Variants in DCDC1 observed in about 807,000 individuals in gnomAD.
The protein encoded by DCDC1 is doublecortin domain-containing protein 1.
Under a neutral mutation model 178.3 loss-of-function variants are expected in DCDC1, and 200 were observed. The observed-to-expected ratio is 1.12, with a 90% confidence interval of 1.00 to 1.26. DCDC1 has a LOEUF of 1.26. Among genes scored for constraint, DCDC1 ranks in the 50% most tolerant of loss-of-function variants. The pLI is 0.00. For missense variants in DCDC1, 1,983 were observed against 1,749.2 expected (o/e 1.13, Z -2.38); for synonymous variants, 690 against 604.8 (o/e 1.14, Z -2.07).
chr11:31,274,993 C>A (rs1271487744), intron 7 of DCDC1, among the ~76,000 whole-genome samples: 2 of 152,080 alleles, frequency 1.3e-5, no homozygotes. Flanking sequence ...GCCACCACAC[C>A]CGTCTTTATT....
At position 31,242,993 on chromosome 11, in the gene DCDC1, T is replaced by C. The variant is rs138692485; in HGVS notation, c.1055-1377A>G. On this transcript the variant is annotated intron_variant, in intron 8 of 38. Transcript: ENST00000684477. ...GCCAATGACTATTGAAACATCTTCTTAGATGTGTGCATAAAATTCACTTAT... is the reference window on the plus strand; with the variant it reads ...GCCAATGACTATTGAAACATCTTCTCAGATGTGTGCATAAAATTCACTTAT... Among the ~76,000 whole-genome samples, 395 of 151,990 alleles carry C rather than the reference T, an allele frequency of 2.6e-3. 2 individuals are homozygous for C. The highest frequency in any genetic ancestry group is 7.7e-3 in the African/African-American group (318 of 41,544).
chr11:31,108,882 A>T (rs1428901836), intron 12 of DCDC1, among the ~76,000 whole-genome samples: 1 of 152,178 alleles, frequency 6.6e-6, no homozygotes. Flanking sequence ...TTTATAGCAT[A>T]AGAATTTGTT....
At chr11:30,969,926 G>A (rs1337740235) in intron 20 of DCDC1, among the ~76,000 whole-genome samples, 1 of 152,128 alleles carries the variant, frequency 6.6e-6, no homozygotes, top group Non-Finnish European at 1.5e-5. Flanking sequence ...TCTGGTATTT[G>A]CCTCCTTCAC....
intron 9 of DCDC1, among the ~76,000 whole-genome samples, chr11:31,159,089 AATGAG>A (rs1966048219): frequency 1.3e-5 from 2 of 152,208 alleles, no homozygotes. Context: ...AAGAAAATGA[AATGAG>A]ATAACTTTAA....
In DCDC1 at chr11:30,967,280, C is replaced by G. The variant is rs900392035; in HGVS notation, c.2592-14712G>C. 4.7e-3 allele frequency among the ~76,000 whole-genome samples: 692 copies of G among 148,226 alleles called. 6 individuals are homozygous for G. The highest frequency in any genetic ancestry group is 7.5e-3 in the Non-Finnish European group (501 of 67,160). ...TGTTTGTGTCCTCTTTTATTTCCTT[C>G]AGCAGTGGTTTGTAGTTCTCCTTGA... On this transcript the variant is annotated intron_variant, in intron 20 of 38. Coordinates refer to ENST00000684477, the MANE Select transcript of DCDC1 (RefSeq NM_001387274.1).
intron 38 of DCDC1, among the ~76,000 whole-genome samples, chr11:30,865,659 C>A (rs1019869271): frequency 1.3e-5 from 2 of 152,100 alleles, no homozygotes; most frequent in African/African-American, 2.4e-5. Context: ...CATTCCTTAG[C>A]AGCAAAGTGT....
intron 10 of DCDC1, among the ~76,000 whole-genome samples, chr11:31,133,676 C>T (rs1962744530): frequency 6.6e-6 from 1 of 152,086 alleles, no homozygotes. Context: ...ACTTCAAATA[C>T]TACCAAATTT....
intron 20 of DCDC1, among the ~76,000 whole-genome samples, chr11:31,041,899 G>A (rs1247017068): frequency 6.6e-6 from 1 of 152,118 alleles, no homozygotes; most frequent in East Asian, 1.9e-4. Flanking sequence ...ATGTTTATAT[G>A]TCATATAAAA....
At chr11:30,963,628 G>A (rs1565129348) in intron 20 of DCDC1, among the ~76,000 whole-genome samples, 1 of 152,048 alleles carries the variant, frequency 6.6e-6, no homozygotes, top group Non-Finnish European at 1.5e-5. Flanking sequence ...ATAAGAGCTG[G>A]ACTAACTGCT....
At chr11:30,939,441 A>AT (rs1565100653) in intron 21 of DCDC1, among the ~76,000 whole-genome samples, 1 of 152,206 alleles carries the variant, frequency 6.6e-6, no homozygotes, top group Non-Finnish European at 1.5e-5. Context: ...AGAGTTTTTA[A>AT]TAACAGTCTT....
intron 10 of DCDC1, among the ~76,000 whole-genome samples, chr11:31,130,598 T>A (rs879848914): frequency 3.5e-4 from 53 of 152,340 alleles, no homozygotes; most frequent in Non-Finnish European, 6.5e-4. Flanking sequence ...GTCACTCAGC[T>A]ATTGGGCTCC....
chr11:30,898,846 A>G (rs541176662), intron 34 of DCDC1, among the ~76,000 whole-genome samples: 1 of 152,190 alleles, frequency 6.6e-6, no homozygotes, highest in Non-Finnish European at 1.5e-5. Flanking sequence ...AAATTCTGCT[A>G]TGGCAATTAC....
At chr11:31,162,732 T>G (rs1966420541) in intron 9 of DCDC1, among the ~76,000 whole-genome samples, 1 of 152,166 alleles carries the variant, frequency 6.6e-6, no homozygotes, top group African/African-American at 2.4e-5. Context: ...TTTCCAAACA[T>G]TGTTCTTACA....
Position 31,324,482 on chromosome 11 carries a change from T to A in DCDC1, c.164+3635A>T, listed in dbSNP as rs538188948. On this transcript the variant is annotated intron_variant, in intron 3 of 38. Transcript: ENST00000684477. ...CTTTTAACATTTTATAAAGAAAATATTATATTTATATGTAGATCTGCAGAA... is the reference window on the plus strand; with the variant it reads ...CTTTTAACATTTTATAAAGAAAATAATATATTTATATGTAGATCTGCAGAA... 2.1e-3 allele frequency among the ~76,000 whole-genome samples: 320 copies of A among 152,144 alleles called. 1 individual carries two copies. The highest frequency in any genetic ancestry group is 3.7e-3 in the Non-Finnish European group (252 of 67,960).
rs539868478 is a variant in DCDC1 at position 31,010,183 on chromosome 11, A to G, written c.2591+54286T>C. On this transcript the variant is annotated intron_variant, in intron 20 of 38. Transcript: ENST00000684477. ...TATCTTGTGACCCAGTCAAGGTGACATATACAATTAACCATCACAAGTGTG... is the reference window on the plus strand; with the variant it reads ...TATCTTGTGACCCAGTCAAGGTGACGTATACAATTAACCATCACAAGTGTG... Among the ~76,000 whole-genome samples the G allele has an allele frequency of 4.6e-5, 7 of 152,362 alleles. 1 individual carries two copies. In the South Asian group the frequency reaches 1.4e-3, roughly 32 times the overall value.
intron 7 of DCDC1, among the ~76,000 whole-genome samples, chr11:31,290,351 ATTAGAATGT>A (rs1460455347): frequency 6.6e-6 from 1 of 152,042 alleles, no homozygotes; most frequent in Non-Finnish European, 1.5e-5. Flanking sequence ...ATTGTAACTA[ATTAGAATGT>A]TTAGAATGTT....
chr11:30,900,841 C>T lies in DCDC1; in HGVS notation c.4511-343G>A, dbSNP rs556372048. 2.0e-5 allele frequency among the ~76,000 whole-genome samples: 3 copies of T among 151,944 alleles called. No individual in the cohort carries two copies. In the South Asian group the frequency reaches 6.2e-4, roughly 32 times the overall value. ...AAAGGAGTATAGGAATAGACTAAAT[C>T]CAGGGATAAAGTACCTTAGTGTTCT... On this transcript the variant is annotated intron_variant, in intron 32 of 38. Coordinates refer to ENST00000684477, the MANE Select transcript of DCDC1 (RefSeq NM_001387274.1).
chr11:31,005,966 A>C (rs1053894049), intron 20 of DCDC1, among the ~76,000 whole-genome samples: 15 of 150,730 alleles, frequency 1.0e-4, no homozygotes, highest in Admixed American at 4.0e-4. Flanking sequence ...AAAAAAAAAA[A>C]AAAAAAAAAA....
chr11:30,925,095 T>G (rs959986475), intron 23 of DCDC1, among the ~76,000 whole-genome samples: 1 of 151,988 alleles, frequency 6.6e-6, no homozygotes, highest in African/African-American at 2.4e-5. Context: ...AAAGTTTAAT[T>G]TATATACCAC....
Sources: gnomAD v4.1 joint callset for allele counts (sites outside exome capture counted in the v4.1 genomes callset) on GRCh38, gnomAD v4.1.1 for gene constraint, MANE v1.5 for transcripts, NCBI Gene and HGNC (gene_info 2026-07-23, HGNC 2026-07-21) for gene names.